WDR27: variants seen among roughly 807,000 people sequenced by gnomAD.
The protein encoded by WDR27 is WD repeat domain 27.
Under a neutral mutation model 114.4 loss-of-function variants are expected in WDR27, and 100 were observed. The observed-to-expected ratio is 0.87, with a 90% CI of 0.74 to 1.03. The LOEUF (loss-of-function observed/expected upper bound fraction) is 1.03, where lower values mean the gene tolerates loss of function less well. WDR27 is among the 50% of genes least tolerant of loss of function. The pLI is 0.00. For synonymous variants in WDR27, 449 were observed against 423.1 expected (o/e 1.06, Z -0.75); for missense variants, 1,129 against 1,092.9 (o/e 1.03, Z -0.47).
At chr6:169,644,004 T>TAGTTCACAGGAGTCACACTGTA in intron 16 of WDR27, among the ~76,000 whole-genome samples, 1 of 72,862 alleles carries the variant, frequency 1.4e-5, no homozygotes, top group East Asian at 3.9e-4. Flanking sequence ...GTCACACTGT[T>TAGTTCACAGGAGTCACACTGTA]GAAAAGCCTA....
chr6:169,568,665 C>A (rs1249525053), intron 25 of WDR27, among the ~76,000 whole-genome samples: 1 of 152,156 alleles, frequency 6.6e-6, no homozygotes, highest in Non-Finnish European at 1.5e-5. Context: ...ACAGGGAAGA[C>A]CCAACTTTCC....
chr6:169,552,893 C>T (rs1256717741), intron 25 of WDR27, among the ~76,000 whole-genome samples: 5 of 151,868 alleles, frequency 3.3e-5, no homozygotes, highest in Non-Finnish European at 5.9e-5. Context: ...TTGAGAGTTC[C>T]GCAGCAGCAG....
At chr6:169,581,146 T>G (rs1356336958) in intron 24 of WDR27, among the ~76,000 whole-genome samples, 1 of 152,096 alleles carries the variant, frequency 6.6e-6, no homozygotes, top group Non-Finnish European at 1.5e-5. Flanking sequence ...CCATATTTGC[T>G]TCTTTTATTC....
chr6:169,691,040 CCT>C (rs1447034293), intron 1 of WDR27, among the ~76,000 whole-genome samples: 2 of 152,046 alleles, frequency 1.3e-5, no homozygotes, highest in Admixed American at 6.5e-5. Context: ...ACGGTGAAAC[CCT>C]GTCTCTACTA....
intron 25 of WDR27, among the ~76,000 whole-genome samples, chr6:169,518,165 G>T (rs1215479018): frequency 2.0e-5 from 3 of 152,272 alleles, no homozygotes; most frequent in South Asian, 2.1e-4. Context: ...GCTTTTCTAG[G>T]CACAGGGTGC....
intron 2 of WDR27, among the ~76,000 whole-genome samples, chr6:169,675,470 A>G (rs1022910276): frequency 1.3e-5 from 2 of 152,138 alleles, no homozygotes; most frequent in African/African-American, 4.8e-5. Flanking sequence ...TCTGAACCAA[A>G]TATGAGTGAC....
chr6:169,534,154 T>C (rs1027189040), intron 25 of WDR27, among the ~76,000 whole-genome samples: 2 of 152,242 alleles, frequency 1.3e-5, no homozygotes, highest in African/African-American at 4.8e-5. Context: ...GTGATATGAT[T>C]GTGTGGTTTT....
At chr6:169,556,776 C>T (rs1433324283) in intron 25 of WDR27, among the ~76,000 whole-genome samples, 4 of 151,900 alleles carry the variant, frequency 2.6e-5, no homozygotes, top group Admixed American at 6.6e-5. Context: ...AGAAAAGAAC[C>T]CAATTAAAAA....
chr6:169,435,812 A>T, the WDR27 span, among the ~76,000 whole-genome samples: 1 of 152,164 alleles, frequency 6.6e-6, no homozygotes, highest in Non-Finnish European at 1.5e-5. Flanking sequence ...ATGAGTTAAG[A>T]TTTTGAGGGA....
intron 22 of WDR27, among the ~76,000 whole-genome samples, chr6:169,607,345 C>T (rs1809414356): frequency 6.6e-6 from 1 of 151,766 alleles, no homozygotes; most frequent in Non-Finnish European, 1.5e-5. Flanking sequence ...TCTAAGTGCC[C>T]ATTAACAGGC....
At chr6:169,581,336 G>C (rs1803385948) in intron 24 of WDR27, among the ~76,000 whole-genome samples, 1 of 152,014 alleles carries the variant, frequency 6.6e-6, no homozygotes, top group Admixed American at 6.6e-5. Flanking sequence ...CGCCCACCCT[G>C]CTGGGTCTAG....
chr6:169,603,623 C>T (rs922811274), intron 22 of WDR27, among the ~76,000 whole-genome samples: 1 of 152,318 alleles, frequency 6.6e-6, no homozygotes, highest in East Asian at 1.9e-4. Context: ...ATTTCCCTCA[C>T]GATCATGTGT....
At chr6:169,610,279 G>A (rs1416403322) in intron 22 of WDR27, among the ~76,000 whole-genome samples, 1 of 152,148 alleles carries the variant, frequency 6.6e-6, no homozygotes, top group African/African-American at 2.4e-5. Context: ...CCGATTTACT[G>A]TATTAGTCTG....
intron 25 of WDR27, among the ~76,000 whole-genome samples, chr6:169,549,775 T>C (rs1797868188): frequency 6.6e-6 from 1 of 152,172 alleles, no homozygotes; most frequent in African/African-American, 2.4e-5. Flanking sequence ...CCAATCTGAA[T>C]AGGCTGCATG....
chr6:169,658,971 G>C, intron 12 of WDR27, 115 bp downstream of exon 12: 1 of 1,394,050 alleles, frequency 7.2e-7, no homozygotes, highest in Non-Finnish European at 9.4e-7. Context: ...ATAGGCGTGA[G>C]CCACCGCGCC....
intron 25 of WDR27, among the ~76,000 whole-genome samples, chr6:169,459,822 C>A (rs893283194): frequency 1.5e-4 from 23 of 152,056 alleles, no homozygotes; most frequent in Non-Finnish European, 1.8e-4. Flanking sequence ...AACAAAAAAA[C>A]CCCCAAAAAA....
At chr6:169,465,492 T>G (rs1271466648) in intron 25 of WDR27, among the ~76,000 whole-genome samples, 1 of 152,126 alleles carries the variant, frequency 6.6e-6, no homozygotes, top group South Asian at 2.1e-4. Flanking sequence ...TGAATTTTTT[T>G]CAAAAAATTA....
At chr6:169,482,894 T>A (rs1788385618) in intron 25 of WDR27, among the ~76,000 whole-genome samples, 1 of 152,122 alleles carries the variant, frequency 6.6e-6, no homozygotes, top group South Asian at 2.1e-4. Flanking sequence ...CTCCAAACCA[T>A]ACAATTACAT....
chr6:169,613,607 G>T lies in WDR27; in HGVS notation c.2273C>A (p.Thr758Asn). 1 of 1,613,898 alleles carries T rather than the reference G, an allele frequency of 6.2e-7. No individual in the cohort carries two copies. The highest frequency in any genetic ancestry group is 1.7e-5 in the Admixed American group (1 of 60,018). Reference protein sequence around the residue: ...QQPQAYNLFLTTAIGDGMRLW... With the variant: ...QQPQAYNLFLNTAIGDGMRLW... Reference sequence around the variant, plus strand: ...TCTCATCCCATCGCCAATGGCCGTGGTCAGGAAAAGGTTATAAGCCTGAGG... The same window carrying T: ...TCTCATCCCATCGCCAATGGCCGTGTTCAGGAAAAGGTTATAAGCCTGAGG... The change falls in exon 22 of 26, where the codon ACC (threonine) becomes AAC (asparagine). Residue 758 changes from threonine to asparagine, a missense_variant. By Grantham distance (65) the Thr-to-Asn change is moderately conservative (BLOSUM62 0). Transcript: ENST00000448612.
Sources: gnomAD v4.1 joint callset for allele counts (sites outside exome capture counted in the v4.1 genomes callset) on GRCh38, gnomAD v4.1.1 for gene constraint, MANE v1.5 for transcripts, NCBI Gene and HGNC (gene_info 2026-07-23, HGNC 2026-07-21) for gene names.